PRH1: variants seen among roughly 807,000 people sequenced by gnomAD.
PRH1 encodes the protein proline rich protein HaeIII subfamily 1.
A neutral mutation model predicts 7.9 loss-of-function variants in PRH1; 7 were observed. The observed-to-expected ratio is 0.89, with a 90% CI of 0.50 to 1.67. The LOEUF (loss-of-function observed/expected upper bound fraction) is 1.67, where lower values mean the gene tolerates loss of function less well. PRH1 is among the 40% of genes most tolerant of loss of function. PRH1 has a pLI of 0.00. For missense variants in PRH1, 109 were observed against 223.6 expected (o/e 0.49, Z 3.27); for synonymous variants, 45 against 80.8 (o/e 0.56, Z 2.38).
chr12:11,134,166 T>C (rs1946477762), intron 1 of PRH1: 3 of 1,613,864 alleles, frequency 1.9e-6, no homozygotes, highest in Admixed American at 1.7e-5. Flanking sequence ...ACCAATGCTA[T>C]GAAGCCATTA....
chr12:10,999,700 A>G (rs1344168350), intron 1 of PRH1, among the ~76,000 whole-genome samples: 1 of 152,092 alleles, frequency 6.6e-6, no homozygotes, highest in East Asian at 1.9e-4. Flanking sequence ...GAGATAAGCA[A>G]TATTCATAAT....
intron 1 of PRH1, among the ~76,000 whole-genome samples, chr12:11,123,803 G>C (rs2136331496): frequency 6.6e-6 from 1 of 152,132 alleles, no homozygotes; most frequent in Middle Eastern, 3.4e-3. Flanking sequence ...GGTTAACTCT[G>C]TCTATTGGAT....
At chr12:11,050,453 C>T (rs531477246), upstream of PRH1, among the ~76,000 whole-genome samples, 15 of 152,258 alleles carry the variant, frequency 9.9e-5, 1 homozygote, top group South Asian at 2.7e-3. Context: ...TCCTTGCTCT[C>T]ATTCTGGTAA....
At chr12:10,884,304 C>A (rs1177353976), upstream of PRH1, 15 of 1,570,090 alleles carry the variant, frequency 9.6e-6, no homozygotes, top group Admixed American at 1.9e-4. Flanking sequence ...GACAATGGTG[C>A]ATTTGAGCTC....
intron 1 of PRH1, among the ~76,000 whole-genome samples, chr12:11,153,743 G>C (rs1368537885): frequency 6.6e-6 from 1 of 152,128 alleles, no homozygotes; most frequent in Non-Finnish European, 1.5e-5. Flanking sequence ...GATACAAAAT[G>C]TGATACAGGA....
intron 1 of PRH1, among the ~76,000 whole-genome samples, chr12:11,014,418 ACT>A (rs1341658557): frequency 1.3e-5 from 2 of 152,028 alleles, no homozygotes; most frequent in African/African-American, 4.8e-5. Context: ...GGGAACATAG[ACT>A]CTCTGGTGAT....
Position 11,077,604 on chromosome 12 carries a change from G to A in PRH1, n.124-30416C>T, listed in dbSNP as rs1174586815. Reference sequence around the variant, plus strand: ...TGGTGCTGAGATCTTGAGATCCTTTGCCATGGAGCTGCATCTTCTTGAGAT... The same window carrying A: ...TGGTGCTGAGATCTTGAGATCCTTTACCATGGAGCTGCATCTTCTTGAGAT... On this transcript the variant is annotated intron_variant and non_coding_transcript_variant, in intron 1 of 4. Transcript: ENST00000541977. The A allele has an allele frequency of 1.5e-6, 2 of 1,302,984 alleles. 1 individual carries two copies. The highest frequency in any genetic ancestry group is 2.2e-6 in the Non-Finnish European group (2 of 907,056). The allele number at this position is 1,302,984 out of a possible 1,614,324, so 80.7% of individuals were successfully genotyped here. A position where few individuals can be genotyped will look rare whatever the true frequency, so the allele number is the denominator to read the frequency against.
At chr12:10,894,396 C>T (rs886684600) in intron 2 of PRH1, among the ~76,000 whole-genome samples, 1 of 152,128 alleles carries the variant, frequency 6.6e-6, no homozygotes, top group African/African-American at 2.4e-5. Context: ...TTGGAAATAA[C>T]TCTTAGTGAT....
intron 2 of PRH1, 116 bp downstream of exon 2, chr12:10,882,945 G>A (rs1286505605): frequency 8.9e-6 from 13 of 1,466,854 alleles, no homozygotes; most frequent in Non-Finnish European, 5.7e-6. Context: ...TATCTTTGGG[G>A]CATTGGTATT....
chr12:10,996,640 T>C (rs1321741052), intron 1 of PRH1: 1 of 208,624 alleles, frequency 4.8e-6, no homozygotes, highest in Non-Finnish European at 9.3e-6. Flanking sequence ...TACACATGGG[T>C]TCATAATTCT....
chr12:10,893,016 A>T (rs1023545838), intron 2 of PRH1, among the ~76,000 whole-genome samples: 1 of 152,218 alleles, frequency 6.6e-6, no homozygotes, highest in African/African-American at 2.4e-5. Context: ...GTGAAATCTT[A>T]TATCAATAAC....
At chr12:11,092,726 A>T (rs77608901) in intron 1 of PRH1, among the ~76,000 whole-genome samples, 1 of 114,352 alleles carries the variant, frequency 8.7e-6, no homozygotes, top group Non-Finnish European at 2.1e-5. Flanking sequence ...AAGTCCCCAC[A>T]AGATTCAGGA....
intron 2 of PRH1, among the ~76,000 whole-genome samples, chr12:10,921,581 G>T (rs1338300429): frequency 1.3e-5 from 2 of 151,862 alleles, no homozygotes; most frequent in Non-Finnish European, 2.9e-5. Context: ...AAAGATTTTG[G>T]TTGTACTACC....
intron 1 of PRH1, among the ~76,000 whole-genome samples, chr12:11,060,949 A>G (rs1943572353): frequency 2.0e-5 from 3 of 152,292 alleles, no homozygotes; most frequent in Admixed American, 1.3e-4. Context: ...TGTGGTTCAA[A>G]TAACAATAGA....
At chr12:10,885,194 G>C (rs1278381546), upstream of PRH1, among the ~76,000 whole-genome samples, 1 of 152,114 alleles carries the variant, frequency 6.6e-6, no homozygotes, top group Non-Finnish European at 1.5e-5. Flanking sequence ...TGTAATACCT[G>C]TCCAAGCCTC....
At chr12:10,981,786 T>C (rs531485487) in intron 1 of PRH1, among the ~76,000 whole-genome samples, 139 of 152,060 alleles carry the variant, frequency 9.1e-4, no homozygotes, top group African/African-American at 3.3e-3. Context: ...CAAACTCGAA[T>C]TCCTGGGCTA....
chr12:10,927,448 A>C (rs1186077480), intron 2 of PRH1, among the ~76,000 whole-genome samples: 1 of 152,182 alleles, frequency 6.6e-6, no homozygotes, highest in Non-Finnish European at 1.5e-5. Context: ...GATACAACCC[A>C]TCAAGCCCAG....
At chr12:11,002,893 T>A (rs1940659559) in intron 1 of PRH1, among the ~76,000 whole-genome samples, 1 of 152,062 alleles carries the variant, frequency 6.6e-6, no homozygotes, top group Admixed American at 6.6e-5. Context: ...ATTATTTCAT[T>A]TAGGGATAAA....
At chr12:10,911,064 C>T (rs929195864) in intron 2 of PRH1, among the ~76,000 whole-genome samples, 10 of 152,056 alleles carry the variant, frequency 6.6e-5, no homozygotes, top group African/African-American at 2.2e-4. Flanking sequence ...ATATTTATGA[C>T]CTTTAAATAT....
Sources: allele counts gnomAD v4.1 joint callset (sites outside exome capture counted in the v4.1 genomes callset), GRCh38; gene constraint gnomAD v4.1.1; transcripts MANE v1.5; gene names NCBI Gene and HGNC (gene_info 2026-07-23, HGNC 2026-07-21).